Variants in LRMDA observed in about 807,000 individuals in gnomAD.
The protein encoded by LRMDA is leucine-rich melanocyte differentiation-associated protein.
A neutral mutation model predicts 29.8 loss-of-function variants in LRMDA; 18 were observed. That is an observed-to-expected ratio of 0.60 (90% CI 0.42 to 0.90). LRMDA has a LOEUF of 0.90. LRMDA is among the 40% of genes least tolerant of loss of function. The probability of loss-of-function intolerance (pLI) is 0.00; values close to 1 mark genes in which losing one functional copy is unlikely to be tolerated. For missense variants in LRMDA, 273 were observed against 273.9 expected (o/e 1.00, Z 0.02); for synonymous variants, 125 against 109.4 (o/e 1.14, Z -0.89).
intron 5 of LRMDA, among the ~76,000 whole-genome samples, chr10:76,271,929 G>C (rs973828999): frequency 4.6e-5 from 7 of 152,204 alleles, no homozygotes; most frequent in African/African-American, 1.7e-4. Context: ...GGGAATGAAA[G>C]AGTGAACCTT....
At chr10:75,485,778 G>A (rs561852869) in intron 2 of LRMDA, among the ~76,000 whole-genome samples, 4 of 152,098 alleles carry the variant, frequency 2.6e-5, no homozygotes, top group Non-Finnish European at 4.4e-5. Context: ...GTGTTTTGCT[G>A]AGTTGGCTAA....
intron 6 of LRMDA, among the ~76,000 whole-genome samples, chr10:76,526,550 C>T (rs1484591580): frequency 6.6e-6 from 1 of 152,072 alleles, no homozygotes; most frequent in African/African-American, 2.4e-5. Context: ...TCAAATGTTT[C>T]AGTTTTCATG....
chr10:76,141,233 ATC>A (rs1278724606), intron 5 of LRMDA, among the ~76,000 whole-genome samples: 1 of 152,088 alleles, frequency 6.6e-6, no homozygotes, highest in East Asian at 1.9e-4. Context: ...TTCTCTGTTA[ATC>A]TGTCTTTTGT....
chr10:75,556,206 C>T (rs1589181718), intron 2 of LRMDA, among the ~76,000 whole-genome samples: 1 of 151,846 alleles, frequency 6.6e-6, no homozygotes, highest in South Asian at 2.1e-4. Context: ...CACACCCAGG[C>T]GCATCTTGGT....
At chr10:76,040,230 A>G (rs1299634387) in intron 3 of LRMDA, among the ~76,000 whole-genome samples, 1 of 152,164 alleles carries the variant, frequency 6.6e-6, no homozygotes. Flanking sequence ...TGCCTCTGCA[A>G]GGTCCTGCTC....
chr10:75,601,675 T>A (rs1222965878), intron 2 of LRMDA, among the ~76,000 whole-genome samples: 1 of 152,200 alleles, frequency 6.6e-6, no homozygotes, highest in Non-Finnish European at 1.5e-5. Flanking sequence ...TAATAAAAAA[T>A]TTAATAATAA....
In LRMDA at chr10:75,782,918, G is replaced by T. The variant is rs1207456359; in HGVS notation, c.132-253090G>T. ...GCTCTCATGCCTCTTGCCAACAGTG[G>T]CATCTGCTCAGTGTAGCCATCAAGA... On this transcript the variant is annotated intron_variant, in intron 2 of 6. Coordinates refer to ENST00000611255, the MANE Select transcript of LRMDA (RefSeq NM_001305581.2). The T allele has an allele frequency of 3.1e-6, 5 of 1,610,468 alleles. No individual in the cohort carries two copies. The African/African-American group carries it at 4.0e-5, about 13-fold the overall frequency.
At chr10:76,484,281 A>G (rs1428196806) in intron 6 of LRMDA, among the ~76,000 whole-genome samples, 1 of 151,156 alleles carries the variant, frequency 6.6e-6, no homozygotes, top group Non-Finnish European at 1.5e-5. Flanking sequence ...TTTTTCCTTA[A>G]CTGTTTTAGA....
chr10:75,818,294 A>G (rs916744525), intron 2 of LRMDA, among the ~76,000 whole-genome samples: 5 of 152,180 alleles, frequency 3.3e-5, no homozygotes, highest in African/African-American at 2.4e-5. Context: ...CAGCTCTTGC[A>G]GGTCATCTTG....
intron 2 of LRMDA, among the ~76,000 whole-genome samples, chr10:75,942,153 C>A (rs1481739322): frequency 2.0e-5 from 3 of 152,074 alleles, no homozygotes; most frequent in Admixed American, 2.0e-4. Flanking sequence ...CCTTCCTCAG[C>A]GACGTGCAGC....
intron 5 of LRMDA, among the ~76,000 whole-genome samples, chr10:76,227,029 T>A (rs1445732873): frequency 2.0e-5 from 3 of 152,224 alleles, no homozygotes. Context: ...AAAAATATTA[T>A]GGAAAGCCTG....
chr10:76,171,496 T>C (rs1382184139), intron 5 of LRMDA, among the ~76,000 whole-genome samples: 1 of 152,168 alleles, frequency 6.6e-6, no homozygotes, highest in Non-Finnish European at 1.5e-5. Context: ...CTACCTCCTG[T>C]GAGTGGTTAG....
intron 2 of LRMDA, among the ~76,000 whole-genome samples, chr10:76,022,537 G>A (rs1334236674): frequency 6.6e-6 from 1 of 152,196 alleles, no homozygotes; most frequent in African/African-American, 2.4e-5. Flanking sequence ...CACCATATCA[G>A]GGAGTAAATA....
At chr10:76,463,917 A>ATTTTT (rs763472626) in intron 6 of LRMDA, among the ~76,000 whole-genome samples, 1,920 of 112,838 alleles carry the variant, frequency 0.017, 82 homozygotes, top group African/African-American at 0.047. Context: ...TGCAAAATAA[A>ATTTTT]TTTTTTTTTT....
chr10:76,394,644 G>A (rs1841761871), intron 6 of LRMDA, among the ~76,000 whole-genome samples: 1 of 152,104 alleles, frequency 6.6e-6, no homozygotes, highest in African/African-American at 2.4e-5. Flanking sequence ...ACTTGTCTAT[G>A]TGATCAAGCA....
At chr10:76,200,714 C>CTTTTTTTT (rs545738244) in intron 5 of LRMDA, among the ~76,000 whole-genome samples, 2 of 142,760 alleles carry the variant, frequency 1.4e-5, no homozygotes, top group Non-Finnish European at 3.1e-5. Context: ...TTTTCTTTTT[C>CTTTTTTTT]TTTTTTTTTT....
intron 3 of LRMDA, among the ~76,000 whole-genome samples, chr10:76,041,192 G>A (rs149392074): frequency 2.0e-4 from 30 of 152,300 alleles, no homozygotes; most frequent in African/African-American, 3.8e-4. Context: ...GCCTCGATGC[G>A]TCAAAAGAAG....
chr10:76,253,341 C>A (rs1390385287), intron 5 of LRMDA, among the ~76,000 whole-genome samples: 1 of 152,082 alleles, frequency 6.6e-6, no homozygotes, highest in East Asian at 1.9e-4. Flanking sequence ...AATTGCATCT[C>A]ATTTATTTTA....
At chr10:75,941,453 T>G (rs1846390135) in intron 2 of LRMDA, among the ~76,000 whole-genome samples, 1 of 152,206 alleles carries the variant, frequency 6.6e-6, no homozygotes, top group Non-Finnish European at 1.5e-5. Context: ...ATCACCACTT[T>G]GCTTTCGGAG....
Sources: allele counts gnomAD v4.1 joint callset (sites outside exome capture counted in the v4.1 genomes callset), GRCh38; gene constraint gnomAD v4.1.1; transcripts MANE v1.5; gene names NCBI Gene and HGNC (gene_info 2026-07-23, HGNC 2026-07-21).